The following TOGARAM2 variants were observed in gnomAD, a reference collection of about 807,000 sequenced individuals.
The protein encoded by TOGARAM2 is TOG array regulator of axonemal microtubules 2.
In TOGARAM2, 85 loss-of-function variants were observed where a neutral mutation model predicts 93.3. The ratio of observed to expected loss-of-function variants is 0.91; its 90% CI spans 0.76 to 1.09. TOGARAM2 has a LOEUF of 1.09. TOGARAM2 is among the 50% of genes least tolerant of loss of function. The pLI is 0.00. For synonymous variants in TOGARAM2, 593 were observed against 552.8 expected, an observed-to-expected ratio of 1.07 and a Z score of -1.02; for missense variants, 1,277 against 1,334.5, an observed-to-expected ratio of 0.96 and a Z score of 0.67.
At chr2:28,976,719 G>C (rs1471355421), upstream of TOGARAM2, among the ~76,000 whole-genome samples, 1 of 152,240 alleles carries the variant, frequency 6.6e-6, no homozygotes, top group Non-Finnish European at 1.5e-5. Context: ...AGAGGGGCTT[G>C]GCCTAGTCCT....
At chr2:28,991,418 T>A (rs1179081030) in intron 1 of TOGARAM2, among the ~76,000 whole-genome samples, 1 of 152,140 alleles carries the variant, frequency 6.6e-6, no homozygotes, top group Non-Finnish European at 1.5e-5. Flanking sequence ...AATGAGAGTT[T>A]GTAAACGCTG....
intron 7 of TOGARAM2, among the ~76,000 whole-genome samples, chr2:29,011,949 TAGAG>T (rs1354079281): frequency 6.6e-6 from 1 of 152,094 alleles, no homozygotes; most frequent in Non-Finnish European, 1.5e-5. Context: ...GTTAAGCAAG[TAGAG>T]AGAGTATTCC....
chr2:28,985,032 C>T (rs1672402100), intron 1 of TOGARAM2, among the ~76,000 whole-genome samples: 1 of 152,202 alleles, frequency 6.6e-6, no homozygotes, highest in African/African-American at 2.4e-5. Context: ...GTGTTATAGA[C>T]TGAATGCATG....
intron 8 of TOGARAM2, 71 bp from the exon 9 acceptor site, chr2:29,017,083 A>G: frequency 6.4e-7 from 1 of 1,560,498 alleles, no homozygotes; most frequent in Non-Finnish European, 8.7e-7. Flanking sequence ...CAGTAGAAAC[A>G]TTTTTGATGA....
chr2:28,961,016 C>CA (rs1553332623), intron 1 of TOGARAM2, among the ~76,000 whole-genome samples: 1 of 151,948 alleles, frequency 6.6e-6, no homozygotes, highest in Non-Finnish European at 1.5e-5. Context: ...CTTTCTTTTT[C>CA]TTTTTTTTGG....
chr2:28,961,027 T>G (rs1321730112), intron 1 of TOGARAM2, among the ~76,000 whole-genome samples: 2 of 151,958 alleles, frequency 1.3e-5, no homozygotes, highest in Non-Finnish European at 2.9e-5. Flanking sequence ...TTTTTTTTGG[T>G]TTGAGTATGA....
At position 28,999,204 on chromosome 2, in the gene TOGARAM2, G is replaced by A. The variant is rs13009279; in HGVS notation, c.163G>A (p.Ala55Thr). ...GEGSLQPEPR[A>T]LLNNEEPSQL... Reference sequence around the variant, plus strand: ...AGGTTCTCTCCAGCCTGAGCCAAGAGCCCTGCTGAACAACGAGGAACCGTC... The same window carrying A: ...AGGTTCTCTCCAGCCTGAGCCAAGAACCCTGCTGAACAACGAGGAACCGTC... The change falls in exon 4 of 20, where the codon GCC becomes ACC. Residue 55 changes from alanine (A) to threonine (T), a missense_variant. By Grantham distance (58) the Ala-to-Thr change is moderately conservative. Transcript: ENST00000379558. 0.28 allele frequency: 456,616 copies of A among 1,612,854 alleles called. 67,530 individuals are homozygous for A. The highest frequency in any genetic ancestry group is 0.57 in the East Asian group (25,523 of 44,816).
intron 1 of TOGARAM2, among the ~76,000 whole-genome samples, chr2:28,991,061 A>G (rs963838031): frequency 1.3e-5 from 2 of 150,306 alleles, no homozygotes; most frequent in Admixed American, 6.6e-5. Context: ...AGGGAAAAAG[A>G]AGGAAGATTC....
chr2:29,016,914 C>T lies in TOGARAM2; in HGVS notation c.1045-240C>T, dbSNP rs538510139. The stretch of plus-strand genomic sequence containing the variant: ...GGGGAGTCCCTAGGGACCTTCTAGG[C>T]TAAAAGCCACTATCATCTCTGTCTC... On this transcript the variant is annotated intron_variant, in intron 8 of 19. Transcript: ENST00000379558. Among the ~76,000 whole-genome samples the T allele has an allele frequency of 1.1e-4, 16 of 152,348 alleles. No individual in the cohort carries two copies. The South Asian group carries it at 3.3e-3, about 32-fold the overall frequency.
intron 6 of TOGARAM2, among the ~76,000 whole-genome samples, chr2:29,007,265 C>T (rs959519669): frequency 2.0e-5 from 3 of 152,120 alleles, no homozygotes; most frequent in Non-Finnish European, 4.4e-5. Flanking sequence ...CTGATGTGAT[C>T]CAGCACCAGA....
chr2:28,993,416 T>A (rs113869759), intron 1 of TOGARAM2, among the ~76,000 whole-genome samples: 25 of 152,188 alleles, frequency 1.6e-4, no homozygotes, highest in Admixed American at 9.2e-4. Flanking sequence ...ACCAGCTGCC[T>A]GGCCAATCTC....
intron 4 of TOGARAM2, among the ~76,000 whole-genome samples, chr2:29,000,203 G>A (rs377709613): frequency 4.6e-5 from 7 of 152,080 alleles, no homozygotes; most frequent in African/African-American, 1.4e-4. Flanking sequence ...CTGAGATCTC[G>A]GTGTGAGGCA....
chr2:28,964,496 T>A (rs1394808316), intron 1 of TOGARAM2, among the ~76,000 whole-genome samples: 1 of 151,968 alleles, frequency 6.6e-6, no homozygotes, highest in Non-Finnish European at 1.5e-5. Context: ...TTTTAATTTT[T>A]AGTTCTGGGT....
chr2:29,028,020 G>C (rs1286652882), intron 14 of TOGARAM2, among the ~76,000 whole-genome samples: 7 of 152,224 alleles, frequency 4.6e-5, no homozygotes, highest in Admixed American at 1.3e-4. Flanking sequence ...TGTTTTCTTA[G>C]TGGGAGTATG....
intron 7 of TOGARAM2, among the ~76,000 whole-genome samples, chr2:29,013,157 C>T (rs1664352434): frequency 6.6e-6 from 1 of 152,218 alleles, no homozygotes; most frequent in South Asian, 2.1e-4. Flanking sequence ...ATGAATGAAC[C>T]TGTTTGAGCC....
chr2:29,028,973 G>A (rs1665578168), intron 14 of TOGARAM2, among the ~76,000 whole-genome samples: 1 of 152,172 alleles, frequency 6.6e-6, no homozygotes, highest in Non-Finnish European at 1.5e-5. Context: ...TGTTGGCGTG[G>A]ATGTGGTGAA....
chr2:28,981,639 C>T (rs902224340), intron 1 of TOGARAM2, 101 bp downstream of exon 1: 6 of 152,622 alleles, frequency 3.9e-5, no homozygotes, highest in Admixed American at 2.0e-4. Flanking sequence ...AAGACCTGAA[C>T]TGGAGCAAGC....
intron 18 of TOGARAM2, among the ~76,000 whole-genome samples, chr2:29,039,463 T>C (rs1028215806): frequency 3.3e-5 from 5 of 152,052 alleles, no homozygotes; most frequent in African/African-American, 1.2e-4. Flanking sequence ...CACAGCCAAG[T>C]CGGGAGGATG....
intron 1 of TOGARAM2, among the ~76,000 whole-genome samples, chr2:28,985,155 A>G (rs1672408783): frequency 1.3e-5 from 2 of 152,026 alleles, no homozygotes; most frequent in Admixed American, 1.3e-4. Flanking sequence ...TTGTCTCATG[A>G]TGGGTTAGTG....
Sources: allele counts gnomAD v4.1 joint callset (sites outside exome capture counted in the v4.1 genomes callset), GRCh38; gene constraint gnomAD v4.1.1; transcripts MANE v1.5; gene names NCBI Gene and HGNC (gene_info 2026-07-23, HGNC 2026-07-21).